PARD3B: variants seen among roughly 807,000 people sequenced by gnomAD.
PARD3B encodes par-3 family cell polarity regulator beta.
Under a neutral mutation model 130.2 loss-of-function variants are expected in PARD3B, and 103 were observed. The observed-to-expected ratio is 0.79, with a 90% CI of 0.67 to 0.93. PARD3B has a LOEUF of 0.93. PARD3B is among the 40% of genes least tolerant of loss of function. The pLI is 0.00. For missense variants in PARD3B, 1,609 were observed against 1,499.2 expected (o/e 1.07, Z -1.21); for synonymous variants, 583 against 553.2 (o/e 1.05, Z -0.76).
intron 18 of PARD3B, among the ~76,000 whole-genome samples, chr2:205,381,023 G>GA (rs1559035377): frequency 0.019 from 1,209 of 64,748 alleles, 290 homozygotes; most frequent in African/African-American, 0.053. Flanking sequence ...GAATATATAT[G>GA]ATATATTATA....
chr2:205,258,584 G>C lies in PARD3B; in HGVS notation c.2185+12762G>C, dbSNP rs560647339. On this transcript the variant is annotated intron_variant, in intron 16 of 22. Coordinates refer to ENST00000406610, the MANE Select transcript of PARD3B (RefSeq NM_001302769.2). The surrounding 1 kb of genome is among the most constrained non-coding windows in gnomAD (Gnocchi z 4.9). ...ACCTCCAGAAGTGAGCTTCATGAAG[G>C]CAGAGACTTTGTATCCCCAGTTCCA... Among the ~76,000 whole-genome samples the C allele has an allele frequency of 6.6e-6, 1 of 152,154 alleles. No homozygotes were observed. Among genetic ancestry groups the C allele is most frequent in the Non-Finnish European group, 1.5e-5 (1 of 68,030 alleles).
rs758200395 is a variant in PARD3B at position 204,677,995 on chromosome 2, A to G, written c.121-8186A>G. 9.2e-5 allele frequency among the ~76,000 whole-genome samples: 14 copies of G among 152,218 alleles called. No individual in the cohort carries two copies. Among genetic ancestry groups the G allele is most frequent in the Admixed American group, 5.9e-4 (9 of 15,288 alleles). On this transcript the variant is annotated intron_variant, in intron 1 of 22. Transcript: ENST00000406610. The surrounding 1 kb of genome is among the most constrained non-coding windows in gnomAD (Gnocchi z 4.1). ...AGGTATTTCAGTTTGAAAAAGTCAC[A>G]TTTTTGGAAGCAAAGATATTATTTT...
intron 2 of PARD3B, among the ~76,000 whole-genome samples, chr2:204,776,116 TTTC>T (rs1254072735): frequency 6.6e-6 from 1 of 152,206 alleles, no homozygotes; most frequent in Non-Finnish European, 1.5e-5. Context: ...GACATACAGT[TTTC>T]TTCTTATTTG....
At position 205,122,876 on chromosome 2, in the gene PARD3B, G is replaced by T. The variant is rs2030916082; in HGVS notation, c.1165+927G>T. On this transcript the variant is annotated intron_variant, in intron 8 of 22. Coordinates refer to ENST00000406610, the MANE Select transcript of PARD3B (RefSeq NM_001302769.2). This position sits in a 1 kb window ranked among gnomAD's most constrained non-coding sequence, Gnocchi z 4.3. ...TTCTGGGAATAAAATACATTGACTA[G>T]TAGGTACAAAAATACTTCAGTGTGC... 6.6e-6 allele frequency among the ~76,000 whole-genome samples: 1 copy of T among 152,128 alleles called. No homozygotes were observed. The highest frequency in any genetic ancestry group is 6.6e-5 in the Admixed American group (1 of 15,262).
At chr2:204,833,816 A>G (rs921274944) in intron 2 of PARD3B, among the ~76,000 whole-genome samples, 1 of 152,100 alleles carries the variant, frequency 6.6e-6, no homozygotes, top group African/African-American at 2.4e-5. Context: ...GTGAGAACTG[A>G]CTAGTATACC....
chr2:205,444,330 T>C (rs1052735869), intron 20 of PARD3B, among the ~76,000 whole-genome samples: 1 of 152,096 alleles, frequency 6.6e-6, no homozygotes, highest in Non-Finnish European at 1.5e-5. Flanking sequence ...GGTATGCACC[T>C]GTAGTCCAAC....
chr2:204,701,469 A>G (rs945421635), intron 2 of PARD3B, among the ~76,000 whole-genome samples: 1 of 152,150 alleles, frequency 6.6e-6, no homozygotes, highest in Non-Finnish European at 1.5e-5. Context: ...CATTTGTTTT[A>G]TAGGTGATTA....
At chr2:205,570,781 T>G (rs1475873793) in intron 22 of PARD3B, among the ~76,000 whole-genome samples, 2 of 152,210 alleles carry the variant, frequency 1.3e-5, no homozygotes, top group Admixed American at 6.5e-5. Flanking sequence ...CATTCTGCTA[T>G]CTTCCCAGCT....
chr2:204,811,857 C>G (rs1488977402), intron 2 of PARD3B, among the ~76,000 whole-genome samples: 3 of 152,000 alleles, frequency 2.0e-5, no homozygotes, highest in Non-Finnish European at 4.4e-5. Flanking sequence ...AACCTTTTCT[C>G]CTTCATACTA....
chr2:205,026,693 C>A (rs927600477), intron 3 of PARD3B, among the ~76,000 whole-genome samples: 3 of 152,166 alleles, frequency 2.0e-5, no homozygotes, highest in Non-Finnish European at 4.4e-5. Context: ...TCCTCCAACC[C>A]TTCATCCATG....
chr2:204,934,846 G>A (rs1688291354), intron 2 of PARD3B, among the ~76,000 whole-genome samples: 1 of 152,140 alleles, frequency 6.6e-6, no homozygotes, highest in South Asian at 2.1e-4. Context: ...GAGACTTGAA[G>A]GGTATATCCA....
chr2:205,104,156 C>T (rs1559440813), intron 4 of PARD3B, among the ~76,000 whole-genome samples: 1 of 152,198 alleles, frequency 6.6e-6, no homozygotes. Context: ...AAGCCTATGG[C>T]TGAGTAGCAA....
At chr2:205,197,768 A>C (rs1013865758) in intron 15 of PARD3B, among the ~76,000 whole-genome samples, 1 of 152,158 alleles carries the variant, frequency 6.6e-6, no homozygotes, top group Non-Finnish European at 1.5e-5. Context: ...TTTCCTACTA[A>C]TTGTAGACTT....
intron 2 of PARD3B, among the ~76,000 whole-genome samples, chr2:204,895,873 C>G (rs1434780138): frequency 1.3e-5 from 2 of 152,024 alleles, no homozygotes; most frequent in Non-Finnish European, 2.9e-5. Context: ...AGATGGGGGT[C>G]TACCTGAAAG....
At chr2:205,204,432 G>T (rs934798996) in intron 15 of PARD3B, among the ~76,000 whole-genome samples, 1 of 151,892 alleles carries the variant, frequency 6.6e-6, no homozygotes, top group Non-Finnish European at 1.5e-5. Flanking sequence ...TTCTTTTGCT[G>T]TGCAGAAGCT....
chr2:204,640,067 A>C (rs2035018993), intron 1 of PARD3B, among the ~76,000 whole-genome samples: 1 of 152,114 alleles, frequency 6.6e-6, no homozygotes, highest in Non-Finnish European at 1.5e-5. Flanking sequence ...CAGCCTGGGC[A>C]ACATAGGGAG....
At chr2:204,822,510 T>A (rs1383735999) in intron 2 of PARD3B, among the ~76,000 whole-genome samples, 1 of 152,228 alleles carries the variant, frequency 6.6e-6, no homozygotes, top group Non-Finnish European at 1.5e-5. Context: ...AAAAGGACTT[T>A]AAGGTTCAAA....
rs1012547375 is a variant in PARD3B, at chr2:205,585,321, C to A, written c.3261-30135C>A. 5.9e-5 allele frequency among the ~76,000 whole-genome samples: 9 copies of A among 152,058 alleles called. No individual in the cohort carries two copies. The highest frequency in any genetic ancestry group is 1.9e-4 in the African/African-American group (8 of 41,382). ...AAATCCACACTGTCAACCTGAGTAGCCTTAGAGTGGATTCCACCCTGCTGG... is the reference window on the plus strand; with the variant it reads ...AAATCCACACTGTCAACCTGAGTAGACTTAGAGTGGATTCCACCCTGCTGG... On this transcript the variant is annotated intron_variant, in intron 22 of 22. Coordinates refer to ENST00000406610, the MANE Select transcript of PARD3B (RefSeq NM_001302769.2). The surrounding 1 kb of genome is among the most constrained non-coding windows in gnomAD (Gnocchi z 5.4).
chr2:205,427,762 G>A (rs868717926), intron 19 of PARD3B, among the ~76,000 whole-genome samples: 4 of 151,886 alleles, frequency 2.6e-5, no homozygotes, highest in African/African-American at 9.7e-5. Context: ...GAAAACAAAC[G>A]AAAATAAATA....
Sources: allele counts gnomAD v4.1 joint callset (sites outside exome capture counted in the v4.1 genomes callset), GRCh38; gene constraint gnomAD v4.1.1; non-coding constraint Gnocchi (gnomAD v3.1); transcripts MANE v1.5; gene names NCBI Gene and HGNC (gene_info 2026-07-23, HGNC 2026-07-21).